Variants in FOXN3 observed in about 807,000 individuals in gnomAD.
FOXN3 encodes forkhead box protein N3.
Under a neutral mutation model 38.4 loss-of-function variants are expected in FOXN3, and 7 were observed. The observed-to-expected ratio is 0.18, with a 90% CI of 0.10 to 0.34. The LOEUF (loss-of-function observed/expected upper bound fraction) is 0.34, where lower values mean the gene tolerates loss of function less well. Among genes scored for constraint, FOXN3 ranks in the 10% least tolerant of loss-of-function variants. The pLI is 1.00. For missense variants in FOXN3, 456 were observed against 613.4 expected, an observed-to-expected ratio of 0.74 and a Z score of 2.71; for synonymous variants, 230 against 242.2, an observed-to-expected ratio of 0.95 and a Z score of 0.47.
At chr14:89,438,398 T>A (rs1188362089) in intron 1 of FOXN3, among the ~76,000 whole-genome samples, 1 of 152,252 alleles carries the variant, frequency 6.6e-6, no homozygotes, top group Admixed American at 6.5e-5. Flanking sequence ...TCCTAAACGT[T>A]TACATGGTGT....
chr14:89,385,228 T>A (rs990173478), intron 2 of FOXN3, among the ~76,000 whole-genome samples: 1 of 152,184 alleles, frequency 6.6e-6, no homozygotes, highest in Non-Finnish European at 1.5e-5. Context: ...AAATTATAAA[T>A]GTGCCAATAA....
At chr14:89,293,061 C>T (rs536058128) in intron 3 of FOXN3, among the ~76,000 whole-genome samples, 131 of 152,278 alleles carry the variant, frequency 8.6e-4, no homozygotes, top group African/African-American at 3.0e-3. Context: ...GAGTTCTAGC[C>T]CTCTCCTCTT....
chr14:89,188,869 T>C (rs1248116928), intron 4 of FOXN3, among the ~76,000 whole-genome samples: 2 of 152,184 alleles, frequency 1.3e-5, no homozygotes, highest in Admixed American at 6.5e-5. Flanking sequence ...TAAAAACATA[T>C]ACATTTCTCT....
intron 4 of FOXN3, among the ~76,000 whole-genome samples, chr14:89,199,677 T>C (rs1596097835): frequency 6.6e-6 from 1 of 151,898 alleles, no homozygotes; most frequent in Non-Finnish European, 1.5e-5. Context: ...CCAAGGCAGG[T>C]GGATCACTTG....
intron 1 of FOXN3, among the ~76,000 whole-genome samples, chr14:89,546,334 T>TTTTTCTTTC (rs1566694451): frequency 8.4e-6 from 1 of 118,346 alleles, no homozygotes; most frequent in Non-Finnish European, 1.8e-5. Context: ...TTTTTCTTTT[T>TTTTTCTTTC]TTTTTTTTTT....
intron 1 of FOXN3, among the ~76,000 whole-genome samples, chr14:89,463,784 CT>C (rs33993052): frequency 0.28 from 38,400 of 138,434 alleles, 5,512 homozygotes; most frequent in East Asian, 0.63. Flanking sequence ...GTCTCTCTCT[CT>C]TTTTTTTTTT....
chr14:89,404,146 G>A (rs922231067), intron 2 of FOXN3, among the ~76,000 whole-genome samples: 4 of 152,124 alleles, frequency 2.6e-5, no homozygotes, highest in Admixed American at 6.6e-5. Context: ...GCAAGACAAC[G>A]GAAATGTGCC....
chr14:89,326,645 A>C (rs1596186393), intron 3 of FOXN3, among the ~76,000 whole-genome samples: 1 of 152,222 alleles, frequency 6.6e-6, no homozygotes, highest in African/African-American at 2.4e-5. Context: ...GAAAAGAAAG[A>C]GTCTAATTAA....
At chr14:89,342,400 G>A (rs1888643496) in intron 3 of FOXN3, among the ~76,000 whole-genome samples, 1 of 152,140 alleles carries the variant, frequency 6.6e-6, no homozygotes, top group Non-Finnish European at 1.5e-5. Flanking sequence ...AACGTATAAT[G>A]AACAGCATAC....
chr14:89,304,914 C>T (rs2110701), intron 3 of FOXN3, among the ~76,000 whole-genome samples: 103 of 146,896 alleles, frequency 7.0e-4, no homozygotes, highest in African/African-American at 2.3e-3. Flanking sequence ...CAGTGATCTG[C>T]GGACAAATCT....
chr14:89,253,560 G>A, intron 4 of FOXN3, among the ~76,000 whole-genome samples: 1 of 152,202 alleles, frequency 6.6e-6, no homozygotes, highest in East Asian at 1.9e-4. Flanking sequence ...TGTTTCTTAA[G>A]GGAAAAGTTT....
At chr14:89,376,839 C>A (rs1596237925) in intron 2 of FOXN3, among the ~76,000 whole-genome samples, 1 of 151,586 alleles carries the variant, frequency 6.6e-6, no homozygotes, top group Non-Finnish European at 1.5e-5. Context: ...CATGGTGAAA[C>A]CCCGTCTCTA....
At chr14:89,552,729 T>C (rs1329222240) in intron 1 of FOXN3, among the ~76,000 whole-genome samples, 1 of 152,140 alleles carries the variant, frequency 6.6e-6, no homozygotes, top group Non-Finnish European at 1.5e-5. Context: ...CGTGGTGGCA[T>C]GTGCCTGTAA....
intron 1 of FOXN3, among the ~76,000 whole-genome samples, chr14:89,498,206 CTCTCTTTTT>C (rs1250804151): frequency 6.8e-5 from 9 of 133,048 alleles, no homozygotes; most frequent in South Asian, 2.4e-4. Flanking sequence ...CTCTCTCTCT[CTCTCTTTTT>C]TTTTTTTTTT....
At chr14:89,452,507 C>T (rs1892633231) in intron 1 of FOXN3, among the ~76,000 whole-genome samples, 2 of 152,160 alleles carry the variant, frequency 1.3e-5, no homozygotes, top group South Asian at 4.1e-4. Flanking sequence ...GTCCAGGCTG[C>T]GAGGCCATCT....
chr14:89,310,572 T>TACAA (rs1180314144), intron 3 of FOXN3, among the ~76,000 whole-genome samples: 3 of 152,216 alleles, frequency 2.0e-5, no homozygotes, highest in African/African-American at 7.2e-5. Context: ...AGCTCAAGGT[T>TACAA]ACCTCTTCCA....
intron 2 of FOXN3, chr14:89,356,401 A>C (rs890596289): frequency 2.0e-5 from 3 of 151,948 alleles, no homozygotes; most frequent in Admixed American, 2.0e-4. Flanking sequence ...GATCTCAAAA[A>C]AATATATAAT....
intron 1 of FOXN3, among the ~76,000 whole-genome samples, chr14:89,547,483 A>G (rs1894910697): frequency 6.6e-6 from 1 of 151,682 alleles, no homozygotes; most frequent in Non-Finnish European, 1.5e-5. Context: ...TTTTTAGTAG[A>G]GATGGGGTTT....
At chr14:89,313,324 G>C (rs572095928) in intron 3 of FOXN3, among the ~76,000 whole-genome samples, 1 of 152,296 alleles carries the variant, frequency 6.6e-6, no homozygotes, top group East Asian at 1.9e-4. Context: ...CCAGCACTTT[G>C]AGAGGCAGGG....
Sources: gnomAD v4.1 joint callset for allele counts (sites outside exome capture counted in the v4.1 genomes callset) on GRCh38, gnomAD v4.1.1 for gene constraint, MANE v1.5 for transcripts, NCBI Gene and HGNC (gene_info 2026-07-23, HGNC 2026-07-21) for gene names.